Variants in FGF16 observed in about 807,000 individuals in gnomAD.
FGF16 encodes fibroblast growth factor 16, also known as metacarpal 4-5 fusion.
In FGF16, 2 loss-of-function variants were observed where a neutral mutation model predicts 8.5. That is an observed-to-expected ratio of 0.24 (90% CI 0.10 to 0.75). The LOEUF is 0.75. FGF16 is among the 30% of genes least tolerant of loss of function. The pLI is 0.74. For synonymous variants in FGF16, 33 were observed against 34.6 expected (o/e 0.95, Z 0.16); for missense variants, 79 against 87.4 (o/e 0.90, Z 0.38).
chrX:77,450,658 G>C (rs1177686669), intron 1 of FGF16, among the ~76,000 whole-genome samples: 1 of 112,594 alleles, frequency 8.9e-6, no homozygotes, highest in African/African-American at 3.2e-5. Flanking sequence ...GATGGCTGAA[G>C]GATTCAGGCA....
At chrX:77,453,784 C>T (rs999294034) in intron 1 of FGF16, among the ~76,000 whole-genome samples, 1 of 111,832 alleles carries the variant, frequency 8.9e-6, no homozygotes, top group Non-Finnish European at 1.9e-5. Context: ...GGGAAAGATA[C>T]AGAAACCTGT....
chrX:77,453,231 T>C (rs2062562438), intron 1 of FGF16, among the ~76,000 whole-genome samples: 1 of 112,195 alleles, frequency 8.9e-6, no homozygotes, highest in Non-Finnish European at 1.9e-5. Flanking sequence ...AGGAATCTAG[T>C]TGACTATTAT....
intron 1 of FGF16, among the ~76,000 whole-genome samples, chrX:77,449,523 C>CA (rs1287552929): frequency 1.8e-5 from 2 of 108,388 alleles, no homozygotes; most frequent in Non-Finnish European, 3.8e-5. Context: ...GATATGTAAC[C>CA]AAAAAAAAAG....
At chrX:77,455,873 C>G (rs1176832339) in intron 2 of FGF16, among the ~76,000 whole-genome samples, 2 of 111,882 alleles carry the variant, frequency 1.8e-5, no homozygotes, top group Non-Finnish European at 3.8e-5. Flanking sequence ...AGATCCGAGG[C>G]CTTTGCCTGT....
chrX:77,452,354 G>A (rs782782532), intron 1 of FGF16, among the ~76,000 whole-genome samples: 13 of 112,716 alleles, frequency 1.2e-4, no homozygotes. Context: ...AGATTTGGTT[G>A]CATTAAATCA....
At chrX:77,454,015 A>C in intron 1 of FGF16, 142 bp from the exon 2 acceptor site, 1 of 484,771 alleles carries the variant, frequency 2.1e-6, no homozygotes, top group Non-Finnish European at 3.6e-6. Flanking sequence ...TTGCCGCAAA[A>C]GATGGTTTCA....
intron 2 of FGF16, 25 bp downstream of exon 2, chrX:77,454,285 T>G (rs781809601): frequency 5.3e-5 from 42 of 798,002 alleles, no homozygotes; most frequent in Non-Finnish European, 6.4e-5. Context: ...TTTTTTTTTT[T>G]TTTTTTTTTT....
At chrX:77,452,038 A>G (rs1261898474) in intron 1 of FGF16, among the ~76,000 whole-genome samples, 4 of 112,359 alleles carry the variant, frequency 3.6e-5, no homozygotes, top group East Asian at 5.5e-4. Flanking sequence ...TAAGCAGTAC[A>G]GCTAACTCAA....
rs1557027161 is a variant in FGF16, at chrX:77,456,676, G to C, written c.*154G>C. The stretch of plus-strand genomic sequence containing the variant: ...AACTCAACCCAGCTGTTCCCTTGTT[G>C]TTCAAAGTGTATATCAAGGTTGGGT... On this transcript the variant is annotated 3_prime_UTR_variant, in exon 3 of 3. Coordinates refer to ENST00000439435, the MANE Select transcript of FGF16 (RefSeq NM_003868.3). 1.9e-6 allele frequency: 1 copy of C among 519,346 alleles called. No individual in the cohort carries two copies. Among genetic ancestry groups the C allele is most frequent in the East Asian group, 3.5e-5 (1 of 28,447 alleles). 42.8% of individuals were successfully genotyped at this position (519,346 alleles called of 1,213,427 possible). A position where few individuals can be genotyped will look rare whatever the true frequency, so the allele number is the denominator to read the frequency against.
chrX:77,452,167 G>C (rs2062558882), intron 1 of FGF16, among the ~76,000 whole-genome samples: 1 of 111,917 alleles, frequency 8.9e-6, no homozygotes, highest in African/African-American at 3.3e-5. Flanking sequence ...TAGTTTGCTG[G>C]AGCCACTCCA....
In FGF16 at chrX:77,447,526, T is replaced by C. The variant is rs2062544801; in HGVS notation, c.-149T>C. The stretch of plus-strand genomic sequence containing the variant: ...TCCTTGGACGCGAACAGACGTCGAC[T>C]GCAGCTCGGCAGAGCGCGGAGCAAG... On this transcript the variant is annotated 5_prime_UTR_variant, in exon 1 of 3. Coordinates refer to ENST00000439435, the MANE Select transcript of FGF16 (RefSeq NM_003868.3). The C allele has an allele frequency of 7.1e-6, 2 of 282,361 alleles. No individual in the cohort carries two copies. The highest frequency in any genetic ancestry group is 6.3e-5 in the Admixed American group (1 of 15,849). 23.3% of individuals were successfully genotyped at this position (282,361 alleles called of 1,213,427 possible).
intron 2 of FGF16, 119 bp from the exon 3 acceptor site, chrX:77,456,158 T>C: frequency 1.6e-6 from 1 of 644,176 alleles, no homozygotes. Context: ...TACAGAGAGA[T>C]AGGACTGGAA....
intron 1 of FGF16, 140 bp downstream of exon 1, chrX:77,448,088 G>A (rs1050009766): frequency 4.7e-5 from 14 of 296,174 alleles, no homozygotes; most frequent in African/African-American, 3.8e-4. Context: ...ACGACGGCGC[G>A]GTCGTGGGCC....
chrX:77,455,701 C>CAAGT (rs1557027051), intron 2 of FGF16, among the ~76,000 whole-genome samples: 1 of 111,504 alleles, frequency 9.0e-6, no homozygotes, highest in Non-Finnish European at 1.9e-5. Context: ...GCGGTTGGAT[C>CAAGT]AAGTGTGAGA....
intron 1 of FGF16, among the ~76,000 whole-genome samples, chrX:77,452,901 A>G: frequency 9.0e-6 from 1 of 111,100 alleles, no homozygotes. Flanking sequence ...AACATGGTGA[A>G]ACCTTGTCTC....
At chrX:77,448,037 GC>G in intron 1 of FGF16, 89 bp downstream of exon 1, 1 of 297,143 alleles carries the variant, frequency 3.4e-6, no homozygotes. Context: ...CCCGCAGACC[GC>G]CCCCGGGCTT....
Position 77,456,750 on chromosome X carries a change from C to CT in FGF16, c.*234dup. 1 of 330,014 alleles carries CT rather than the reference C, an allele frequency of 3.0e-6. No homozygotes were observed. The highest frequency in any genetic ancestry group is 5.0e-5 in the East Asian group (1 of 20,024). 27.2% of individuals were successfully genotyped at this position (330,014 alleles called of 1,213,427 possible). A position where few individuals can be genotyped will look rare whatever the true frequency, so the allele number is the denominator to read the frequency against. On this transcript the variant is annotated 3_prime_UTR_variant, in exon 3 of 3. Transcript: ENST00000439435. ...TGGGCTCGAGGGAATCTTGTATATA[C>CT]TTTTTTCTTTACTCATGTTCCTTCC...
At chrX:77,450,780 G>T in intron 1 of FGF16, among the ~76,000 whole-genome samples, 1 of 112,030 alleles carries the variant, frequency 8.9e-6, no homozygotes, top group Non-Finnish European at 1.9e-5. Flanking sequence ...AGAGGTATAA[G>T]AAGTGTCTGG....
intron 2 of FGF16, among the ~76,000 whole-genome samples, chrX:77,454,690 C>G (rs1557026978): frequency 9.6e-6 from 1 of 104,302 alleles, no homozygotes; most frequent in East Asian, 3.0e-4. Context: ...CTTGAAAGCC[C>G]TTTTTTAGCT....
Sources: allele counts gnomAD v4.1 joint callset (sites outside exome capture counted in the v4.1 genomes callset), GRCh38; gene constraint gnomAD v4.1.1; transcripts MANE v1.5; gene names NCBI Gene and HGNC (gene_info 2026-07-23, HGNC 2026-07-21).